CCDC7: variants seen among roughly 807,000 people sequenced by gnomAD.
The protein encoded by CCDC7 is coiled-coil domain-containing protein 7.
In CCDC7, 183 loss-of-function variants were observed where a neutral mutation model predicts 196.9. The observed-to-expected ratio is 0.93, with a 90% confidence interval of 0.82 to 1.05. The LOEUF (loss-of-function observed/expected upper bound fraction) is 1.05. CCDC7 is among the 50% of genes least tolerant of loss of function. CCDC7 has a pLI of 0.00. For synonymous variants in CCDC7, 525 were observed against 484.6 expected (o/e 1.08, Z -1.10); for missense variants, 1,540 against 1,482.2 (o/e 1.04, Z -0.64).
chr10:32,517,895 AAAATAT>A (rs748304388), intron 9 of CCDC7, 44 bp from the exon 11 acceptor site: 1 of 1,559,140 alleles, frequency 6.4e-7, no homozygotes, highest in South Asian at 1.2e-5. Context: ...TTCATAAATT[AAAATAT>A]AAATGTACAA....
chr10:32,872,940 A>T (rs541566346), intron 41 of CCDC7, among the ~76,000 whole-genome samples: 2 of 152,090 alleles, frequency 1.3e-5, no homozygotes, highest in African/African-American at 4.8e-5. Flanking sequence ...CTTTGTGGGT[A>T]ACCGGTGTTT....
chr10:32,567,497 G>A lies in CCDC7; in HGVS notation c.1198-173G>A, dbSNP rs535899829. 2.8e-3 allele frequency among the ~76,000 whole-genome samples: 428 copies of A among 152,240 alleles called. 2 individuals carry two copies. Among genetic ancestry groups the A allele is most frequent in the Non-Finnish European group, 4.3e-3 (292 of 68,012 alleles). On this transcript the variant is annotated intron_variant, in intron 14 of 41. Transcript: ENST00000639629. ...TTCTTCACAACTTCTGATTTTAACTGTGGAATTGTTAAAGTATCAATTATA... is the reference window on the plus strand; with the variant it reads ...TTCTTCACAACTTCTGATTTTAACTATGGAATTGTTAAAGTATCAATTATA...
chr10:32,544,767 T>C (rs1238614456), intron 13 of CCDC7, among the ~76,000 whole-genome samples: 1 of 152,116 alleles, frequency 6.6e-6, no homozygotes, highest in African/African-American at 2.4e-5. Context: ...GAAAAACTTC[T>C]TCAGAAATTG....
chr10:32,444,850 G>GT (rs59116319), upstream of CCDC7, among the ~76,000 whole-genome samples: 899 of 140,274 alleles, frequency 6.4e-3, 4 homozygotes, highest in Middle Eastern at 0.015. Context: ...ATGCCTTCAT[G>GT]TTTTTTTTTT....
intron 28 of CCDC7, among the ~76,000 whole-genome samples, chr10:32,742,182 A>T (rs1176790393): frequency 6.6e-6 from 1 of 152,148 alleles, no homozygotes; most frequent in Non-Finnish European, 1.5e-5. Context: ...TATAAAATTT[A>T]TTTTTAGAGC....
intron 11 of CCDC7, among the ~76,000 whole-genome samples, chr10:32,526,743 T>A (rs778056820): frequency 4.6e-5 from 7 of 152,116 alleles, no homozygotes; most frequent in Non-Finnish European, 7.4e-5. Context: ...TGACTCTCCT[T>A]GGTGCCCTAT....
At chr10:32,562,190 A>C (rs1013991817) in intron 13 of CCDC7, among the ~76,000 whole-genome samples, 27 of 152,238 alleles carry the variant, frequency 1.8e-4, no homozygotes, top group Non-Finnish European at 3.5e-4. Flanking sequence ...GTCCAGGACC[A>C]GATGGATTCA....
rs146616511 is a variant in CCDC7, at chr10:32,860,026, C to G, written c.4111+5537C>G. Among the ~76,000 whole-genome samples, 1,203 of 152,226 alleles carry G rather than the reference C, an allele frequency of 7.9e-3. 6 individuals are homozygous for G. The highest frequency in any genetic ancestry group is 0.02 in the Middle Eastern group (6 of 294). On this transcript the variant is annotated intron_variant, in intron 41 of 41. Transcript: ENST00000639629. ...CCATTCCTTCTGAAACTATTCCAAACAATAGAAAAAGAGAGAATCCTCCCT... is the reference window on the plus strand; with the variant it reads ...CCATTCCTTCTGAAACTATTCCAAAGAATAGAAAAAGAGAGAATCCTCCCT...
intron 22 of CCDC7, among the ~76,000 whole-genome samples, chr10:32,687,504 C>T (rs1241406715): frequency 6.6e-6 from 1 of 152,034 alleles, no homozygotes; most frequent in Non-Finnish European, 1.5e-5. Context: ...TGGGACCCAC[C>T]CATAGTTGTG....
At chr10:32,470,267 G>T (rs924205101) in intron 5 of CCDC7, among the ~76,000 whole-genome samples, 1 of 152,084 alleles carries the variant, frequency 6.6e-6, no homozygotes, top group Non-Finnish European at 1.5e-5. Flanking sequence ...ATAAGGATTG[G>T]AGATGTCTAC....
intron 29 of CCDC7, among the ~76,000 whole-genome samples, chr10:32,802,135 T>C (rs1401010427): frequency 6.6e-6 from 1 of 152,174 alleles, no homozygotes; most frequent in Admixed American, 6.5e-5. Flanking sequence ...AGGGCAACCT[T>C]AGAAGATTTG....
chr10:32,511,743 T>C (rs1386508627), intron 9 of CCDC7: 2 of 1,567,242 alleles, frequency 1.3e-6, no homozygotes, highest in Non-Finnish European at 1.8e-6. Flanking sequence ...CCTGCCGTTA[T>C]GGCTGACTCA....
At chr10:32,606,499 C>T (rs1446295920) in intron 18 of CCDC7, among the ~76,000 whole-genome samples, 1 of 152,250 alleles carries the variant, frequency 6.6e-6, no homozygotes, top group Non-Finnish European at 1.5e-5. Flanking sequence ...CAACTCCAAC[C>T]TGTAAGAGCA....
At position 32,574,493 on chromosome 10, in the gene CCDC7, C is replaced by G. The variant is rs775440108; in HGVS notation, c.1454+2600C>G. The G allele has an allele frequency of 3.2e-6, 5 of 1,557,840 alleles. No homozygotes were observed. In the African/African-American group the frequency reaches 5.5e-5, roughly 17 times the overall value. On this transcript the variant is annotated intron_variant, in intron 16 of 41. Coordinates refer to ENST00000639629, the Ensembl canonical transcript of CCDC7. ...CAAACCTTCAGAGAGTGGATGGGAG[C>G]GAAGTAAGGAGACCCCACCTGAGCA...
chr10:32,751,857 A>T (rs531879156), intron 28 of CCDC7, among the ~76,000 whole-genome samples: 24 of 152,254 alleles, frequency 1.6e-4, no homozygotes, highest in Middle Eastern at 6.8e-3. Context: ...AGTCGAAAAG[A>T]TATTCTTCAA....
chr10:32,659,036 G>A (rs964585550), intron 20 of CCDC7, among the ~76,000 whole-genome samples: 13 of 151,930 alleles, frequency 8.6e-5, no homozygotes, highest in African/African-American at 2.7e-4. Flanking sequence ...ATTGCATTTA[G>A]TTCTGCTCTG....
intron 20 of CCDC7, among the ~76,000 whole-genome samples, chr10:32,639,715 C>A (rs2066360344): frequency 6.6e-6 from 1 of 151,064 alleles, no homozygotes; most frequent in East Asian, 2.0e-4. Context: ...TCAAGTTCTG[C>A]CTCCTGGCTT....
chr10:32,668,585 T>C (rs1424267751), intron 21 of CCDC7, among the ~76,000 whole-genome samples: 3 of 152,332 alleles, frequency 2.0e-5, no homozygotes, highest in Admixed American at 1.3e-4. Context: ...CATGAAGGGC[T>C]GTTGAATTTT....
chr10:32,591,283 A>G (rs2059757549), intron 18 of CCDC7, among the ~76,000 whole-genome samples: 1 of 151,628 alleles, frequency 6.6e-6, no homozygotes, highest in African/African-American at 2.4e-5. Context: ...GAAACTCTCT[A>G]ATTTTTTCTT....
Sources: gnomAD v4.1 joint callset for allele counts (sites outside exome capture counted in the v4.1 genomes callset) on GRCh38, gnomAD v4.1.1 for gene constraint, MANE v1.5 for transcripts, NCBI Gene and HGNC (gene_info 2026-07-23, HGNC 2026-07-21) for gene names.